The following BCAS1 variants were observed in gnomAD, a reference collection of about 807,000 sequenced individuals.
The protein encoded by BCAS1 is breast carcinoma-amplified sequence 1.
In BCAS1, 46 loss-of-function variants were observed where a neutral mutation model predicts 65.4. The observed-to-expected ratio is 0.70, with a 90% CI of 0.55 to 0.90. The LOEUF (loss-of-function observed/expected upper bound fraction) is 0.90. Among genes scored for constraint, BCAS1 ranks in the 40% least tolerant of loss-of-function variants. The probability of loss-of-function intolerance (pLI) is 0.00; values close to 1 mark genes in which losing one functional copy is unlikely to be tolerated. For missense variants in BCAS1, 793 were observed against 771.2 expected (o/e 1.03, Z -0.33); for synonymous variants, 298 against 293.5 (o/e 1.02, Z -0.16).
At chr20:54,060,692 G>A (rs904247432) in intron 1 of BCAS1, among the ~76,000 whole-genome samples, 1 of 152,144 alleles carries the variant, frequency 6.6e-6, no homozygotes, top group Non-Finnish European at 1.5e-5. Flanking sequence ...GCACTGCTGG[G>A]TAGGATGGTT....
At chr20:53,976,071 A>T (rs1199695229) in intron 8 of BCAS1, among the ~76,000 whole-genome samples, 1 of 152,166 alleles carries the variant, frequency 6.6e-6, no homozygotes, top group Admixed American at 6.5e-5. Flanking sequence ...ATCCACATTC[A>T]AACACCGTTT....
At position 54,012,745 on chromosome 20, in the gene BCAS1, C is replaced by T. The variant is rs151277741; in HGVS notation, c.723+15647G>A. Among the ~76,000 whole-genome samples, 411 of 152,286 alleles carry T rather than the reference C, an allele frequency of 2.7e-3. 1 individual carries two copies. The highest frequency in any genetic ancestry group is 6.4e-3 in the African/African-American group (266 of 41,554). On this transcript the variant is annotated intron_variant, in intron 4 of 12. Coordinates refer to ENST00000688948, the MANE Select transcript of BCAS1 (RefSeq NM_001366298.2). Reference sequence around the variant, plus strand: ...CTTGTTAAAAAGATCCCGTTTAATTCTTACAACGATCCCATGAAGCATGCA... The same window carrying T: ...CTTGTTAAAAAGATCCCGTTTAATTTTTACAACGATCCCATGAAGCATGCA...
At chr20:54,024,266 T>C (rs1758977194) in intron 4 of BCAS1, among the ~76,000 whole-genome samples, 1 of 152,232 alleles carries the variant, frequency 6.6e-6, no homozygotes, top group South Asian at 2.1e-4. Context: ...CTGGAGACCT[T>C]AGTTCTTTAA....
intron 3 of BCAS1, 111 bp downstream of exon 3, chr20:54,057,974 T>C (rs1240759328): frequency 1.2e-6 from 1 of 828,542 alleles, no homozygotes; most frequent in Non-Finnish European, 1.9e-6. Flanking sequence ...ATTTTCAAAC[T>C]GAGCCTGCGG....
intron 7 of BCAS1, among the ~76,000 whole-genome samples, chr20:53,986,172 C>T (rs1295069678): frequency 6.6e-6 from 1 of 152,092 alleles, no homozygotes; most frequent in Non-Finnish European, 1.5e-5. Flanking sequence ...TCTTTATTTC[C>T]TCTCTTCCTC....
At chr20:54,051,866 G>C (rs1331497038) in intron 3 of BCAS1, among the ~76,000 whole-genome samples, 1 of 152,056 alleles carries the variant, frequency 6.6e-6, no homozygotes, top group African/African-American at 2.4e-5. Flanking sequence ...AACCTCCAGA[G>C]TAGCTGGGAT....
chr20:53,994,295 A>G (rs1036905806), intron 6 of BCAS1, among the ~76,000 whole-genome samples: 1 of 152,208 alleles, frequency 6.6e-6, no homozygotes, highest in African/African-American at 2.4e-5. Flanking sequence ...CGTGTATTCC[A>G]CTAGAGGTAA....
chr20:54,028,372 A>G lies in BCAS1; in HGVS notation c.723+20T>C. On this transcript the variant is annotated intron_variant, in intron 4 of 12. Coordinates refer to ENST00000688948, the MANE Select transcript of BCAS1 (RefSeq NM_001366298.2). The stretch of plus-strand genomic sequence containing the variant: ...CGAGCATGCATTCAGAACCAAGTGG[A>G]TACACCTTGGCACACTTACCTTCCC... 6.2e-7 allele frequency: 1 copy of G among 1,612,730 alleles called. No homozygotes were observed. The highest frequency in any genetic ancestry group is 8.5e-7 in the Non-Finnish European group (1 of 1,178,736).
At chr20:53,963,152 T>C (rs1160477827) in intron 10 of BCAS1, among the ~76,000 whole-genome samples, 1 of 151,294 alleles carries the variant, frequency 6.6e-6, no homozygotes, top group African/African-American at 2.4e-5. Flanking sequence ...GCCTGGCCTC[T>C]ATTTTTATTT....
intron 4 of BCAS1, among the ~76,000 whole-genome samples, chr20:53,999,439 G>C (rs369201394): frequency 1.3e-5 from 2 of 152,324 alleles, no homozygotes; most frequent in South Asian, 2.1e-4. Flanking sequence ...GTTGGCAAGC[G>C]TAAGCATTAA....
chr20:54,065,257 A>G (rs913949722), intron 1 of BCAS1, among the ~76,000 whole-genome samples: 1 of 149,712 alleles, frequency 6.7e-6, no homozygotes, highest in Admixed American at 6.6e-5. Flanking sequence ...TTCCAGGACT[A>G]TATATCTATA....
At chr20:53,994,920 T>C (rs904136067) in intron 6 of BCAS1, 92 bp downstream of exon 6, 125 of 937,498 alleles carry the variant, frequency 1.3e-4, no homozygotes, top group Non-Finnish European at 1.6e-4. Context: ...CACACACATA[T>C]ATGTATTCAA....
In BCAS1 at chr20:54,043,206, G is replaced by A. The variant is rs74567988; in HGVS notation, c.143-14234C>T. On this transcript the variant is annotated intron_variant, in intron 3 of 12. Transcript: ENST00000688948. Reference sequence around the variant, plus strand: ...ACACAGATGGGATGCACATTGTGACGGGCAGGATGCCTGGAGAGCCCACAA... The same window carrying A: ...ACACAGATGGGATGCACATTGTGACAGGCAGGATGCCTGGAGAGCCCACAA... Among the ~76,000 whole-genome samples the A allele has an allele frequency of 2.9e-3, 449 of 152,306 alleles. 2 individuals are homozygous for A. The highest frequency in any genetic ancestry group is 0.01 in the African/African-American group (430 of 41,552).
At chr20:54,003,887 C>T (rs943656137) in intron 4 of BCAS1, among the ~76,000 whole-genome samples, 6 of 152,206 alleles carry the variant, frequency 3.9e-5, no homozygotes, top group Admixed American at 2.0e-4. Context: ...CTTTTAAAAA[C>T]TAACTCTGAG....
At position 54,058,095 on chromosome 20, in the gene BCAS1, G is replaced by T; in HGVS notation, c.132C>A (p.His44Gln). 1 of 1,613,158 alleles carries T rather than the reference G, an allele frequency of 6.2e-7. No homozygotes were observed. Among genetic ancestry groups the T allele is most frequent in the Non-Finnish European group, 8.5e-7 (1 of 1,179,834 alleles). ...PVVVSTHTVQ[H>Q]LEEVDLGISV... ...CAGAGTAGCACTGACCTTCCTCTAA[G>T]TGCTGAACTGTGTGGGTCGACACCA... is the stretch of plus-strand genomic sequence containing the variant. The change falls in exon 3 of 13, where the codon CAC becomes CAA. Residue 44 changes from histidine to glutamine, a missense_variant. His to Gln is a conservative substitution (Grantham distance 24, BLOSUM62 0). Transcript: ENST00000688948.
At chr20:53,988,029 C>T (rs2090659173) in intron 7 of BCAS1, among the ~76,000 whole-genome samples, 2 of 152,266 alleles carry the variant, frequency 1.3e-5, no homozygotes, top group South Asian at 4.1e-4. Context: ...CTGACCTCAT[C>T]CCCATCTCTA....
intron 9 of BCAS1, among the ~76,000 whole-genome samples, chr20:53,970,691 A>G (rs2090157494): frequency 6.6e-6 from 1 of 152,192 alleles, no homozygotes; most frequent in South Asian, 2.1e-4. Flanking sequence ...ATTTCAGTGA[A>G]GAGTTTCCCT....
chr20:54,028,271 G>C (rs746478558), intron 4 of BCAS1, 121 bp downstream of exon 4: 1 of 919,776 alleles, frequency 1.1e-6, no homozygotes, highest in African/African-American at 1.6e-5. Flanking sequence ...TTGTTCTAGA[G>C]GGGTCAACAG....
At chr20:54,049,507 A>T (rs1382803263) in intron 3 of BCAS1, among the ~76,000 whole-genome samples, 2 of 152,150 alleles carry the variant, frequency 1.3e-5, no homozygotes, top group Admixed American at 6.5e-5. Context: ...CAGGTGGGAA[A>T]ATCTGGTCAG....
Sources: gnomAD v4.1 joint callset for allele counts (sites outside exome capture counted in the v4.1 genomes callset) on GRCh38, gnomAD v4.1.1 for gene constraint, MANE v1.5 for transcripts, NCBI Gene and HGNC (gene_info 2026-07-23, HGNC 2026-07-21) for gene names.